MLLT3: variants seen among roughly 807,000 people sequenced by gnomAD.
MLLT3 encodes the protein MLLT3 super elongation complex subunit.
A neutral mutation model predicts 53.2 loss-of-function variants in MLLT3; 4 were observed. The observed-to-expected ratio is 0.08, with a 90% CI of 0.04 to 0.17. MLLT3 has a LOEUF of 0.17. Ranked by LOEUF, MLLT3 falls within the 10% of genes least tolerant of loss-of-function variation. The pLI, the probability that MLLT3 is intolerant of heterozygous loss-of-function variation, is 1.00. For synonymous variants in MLLT3, 283 were observed against 230.6 expected (o/e 1.23, Z -2.06); for missense variants, 569 against 684.0 (o/e 0.83, Z 1.87).
chr9:20,460,834 T>C lies in MLLT3; in HGVS notation c.194-4048A>G, dbSNP rs80121276. Reference sequence around the variant, plus strand: ...AACTCGCTACAATCAACATAAACTTTTAAAGCTTTTAAAAAATTGGCACAG... The same window carrying C: ...AACTCGCTACAATCAACATAAACTTCTAAAGCTTTTAAAAAATTGGCACAG... On this transcript the variant is annotated intron_variant, in intron 2 of 10. Transcript: ENST00000380338. Among the ~76,000 whole-genome samples, 26 of 152,350 alleles carry C rather than the reference T, an allele frequency of 1.7e-4. No homozygotes were observed. In the East Asian group the frequency reaches 4.8e-3, roughly 28 times the overall value.
chr9:20,357,981 G>GCACACACACACA (rs3222132), intron 8 of MLLT3, among the ~76,000 whole-genome samples: 31 of 139,448 alleles, frequency 2.2e-4, no homozygotes, highest in Middle Eastern at 3.5e-3. Context: ...TCCCTCCTGC[G>GCACACACACACA]CACACACACA....
At chr9:20,581,732 T>C (rs2131175003) in intron 2 of MLLT3, among the ~76,000 whole-genome samples, 1 of 152,256 alleles carries the variant, frequency 6.6e-6, no homozygotes, top group Non-Finnish European at 1.5e-5. Flanking sequence ...TTCTATCAGG[T>C]ACAAGGAAAA....
At chr9:20,410,052 AC>A (rs1822683279) in intron 5 of MLLT3, among the ~76,000 whole-genome samples, 1 of 152,198 alleles carries the variant, frequency 6.6e-6, no homozygotes, top group South Asian at 2.1e-4. Context: ...AAAACTTAAG[AC>A]TTTTTATCTT....
At chr9:20,417,801 T>C (rs1012923499) in intron 4 of MLLT3, among the ~76,000 whole-genome samples, 8 of 152,186 alleles carry the variant, frequency 5.3e-5, no homozygotes, top group Non-Finnish European at 8.8e-5. Context: ...TAATACTACT[T>C]GTCAGCAACT....
intron 2 of MLLT3, among the ~76,000 whole-genome samples, chr9:20,586,351 G>C (rs572589467): frequency 1.3e-5 from 2 of 151,182 alleles, no homozygotes; most frequent in East Asian, 1.9e-4. Context: ...GGATGGGTAT[G>C]GATGGGTACT....
chr9:20,446,988 A>G (rs1443764536), intron 4 of MLLT3, among the ~76,000 whole-genome samples: 1 of 152,174 alleles, frequency 6.6e-6, no homozygotes. Flanking sequence ...AGTACTTGCA[A>G]TGCTTCAAAT....
chr9:20,428,389 C>T (rs1012796063), intron 4 of MLLT3, among the ~76,000 whole-genome samples: 1 of 151,414 alleles, frequency 6.6e-6, no homozygotes, highest in Non-Finnish European at 1.5e-5. Flanking sequence ...TATAATTATG[C>T]TAAAATTTAA....
intron 2 of MLLT3, among the ~76,000 whole-genome samples, chr9:20,489,619 T>A (rs139818210): frequency 6.6e-6 from 1 of 152,318 alleles, no homozygotes; most frequent in Non-Finnish European, 1.5e-5. Flanking sequence ...TCACAATAGC[T>A]GTACTTACAA....
intron 2 of MLLT3, among the ~76,000 whole-genome samples, chr9:20,565,877 C>T (rs1453578303): frequency 1.4e-5 from 2 of 144,382 alleles, no homozygotes; most frequent in East Asian, 3.9e-4. Context: ...TCTCTATATC[C>T]TCACTTCCTC....
intron 2 of MLLT3, among the ~76,000 whole-genome samples, chr9:20,574,872 T>A (rs1819615002): frequency 6.6e-6 from 1 of 152,214 alleles, no homozygotes; most frequent in East Asian, 1.9e-4. Context: ...AAAGCTGAAG[T>A]CAATTATCTC....
intron 2 of MLLT3, among the ~76,000 whole-genome samples, chr9:20,599,886 G>A (rs893767907): frequency 3.9e-5 from 6 of 152,098 alleles, no homozygotes; most frequent in Non-Finnish European, 7.4e-5. Flanking sequence ...ATAACAAGGT[G>A]TAAAATTAAA....
intron 2 of MLLT3, among the ~76,000 whole-genome samples, chr9:20,528,701 G>A (rs752577450): frequency 4.6e-5 from 7 of 152,128 alleles, no homozygotes; most frequent in Admixed American, 1.3e-4. Flanking sequence ...CATTTCACTA[G>A]GATACTTAAG....
chr9:20,390,064 G>A (rs1034657630), intron 5 of MLLT3, among the ~76,000 whole-genome samples: 1 of 152,140 alleles, frequency 6.6e-6, no homozygotes, highest in African/African-American at 2.4e-5. Flanking sequence ...GTTATGAGAA[G>A]CAACCAAGGG....
chr9:20,491,097 G>T (rs76641439), intron 2 of MLLT3, among the ~76,000 whole-genome samples: 1 of 151,990 alleles, frequency 6.6e-6, no homozygotes, highest in East Asian at 1.9e-4. Flanking sequence ...CTTAAGTGAC[G>T]TTAATATATC....
intron 5 of MLLT3, among the ~76,000 whole-genome samples, chr9:20,403,169 TG>T (rs1822498838): frequency 6.6e-6 from 1 of 152,092 alleles, no homozygotes; most frequent in Admixed American, 6.5e-5. Context: ...TTATTAAACT[TG>T]GCTTCCAGTT....
At chr9:20,500,511 T>A (rs1825195175) in intron 2 of MLLT3, among the ~76,000 whole-genome samples, 1 of 152,286 alleles carries the variant, frequency 6.6e-6, no homozygotes, top group African/African-American at 2.4e-5. Context: ...CAAAATCAAC[T>A]GTGAGAAGAG....
At chr9:20,579,766 G>A (rs905957537) in intron 2 of MLLT3, among the ~76,000 whole-genome samples, 4 of 152,162 alleles carry the variant, frequency 2.6e-5, no homozygotes, top group Non-Finnish European at 5.9e-5. Context: ...GGACACATAT[G>A]AGAGGCTAGA....
chr9:20,622,392 C>G lies in MLLT3; in HGVS notation c.-136G>C. On this transcript the variant is annotated 5_prime_UTR_variant, in exon 1 of 11. Coordinates refer to ENST00000380338, the MANE Select transcript of MLLT3 (RefSeq NM_004529.4). ...GCGGAGGGTAGATGGCGGACATTCTCTGCCTTTTTCCCCCCGCGCTCGCTT... is the reference window on the plus strand; with the variant it reads ...GCGGAGGGTAGATGGCGGACATTCTGTGCCTTTTTCCCCCCGCGCTCGCTT... The G allele has an allele frequency of 5.0e-6, 4 of 792,354 alleles. No homozygotes were observed. The South Asian group carries it at 8.2e-5, about 16-fold the overall frequency. The allele number at this position is 792,354 out of a possible 1,614,324, so 49.1% of individuals were successfully genotyped here. A position where few individuals can be genotyped will look rare whatever the true frequency, so the allele number is the denominator to read the frequency against.
chr9:20,566,634 C>T (rs981851439), intron 2 of MLLT3, among the ~76,000 whole-genome samples: 1 of 152,016 alleles, frequency 6.6e-6, no homozygotes, highest in African/African-American at 2.4e-5. Context: ...TACCTGGCAC[C>T]CTGCTGATAC....
Sources: allele counts gnomAD v4.1 joint callset (sites outside exome capture counted in the v4.1 genomes callset), GRCh38; gene constraint gnomAD v4.1.1; transcripts MANE v1.5; gene names NCBI Gene and HGNC (gene_info 2026-07-23, HGNC 2026-07-21).